ADARB2: variants seen among roughly 807,000 people sequenced by gnomAD.
The protein encoded by ADARB2 is inactive double-stranded RNA-specific editase B2.
In ADARB2, 25 loss-of-function variants were observed where a neutral mutation model predicts 62.2. The observed-to-expected ratio is 0.40, with a 90% CI of 0.29 to 0.56. The LOEUF (loss-of-function observed/expected upper bound fraction) is 0.56. ADARB2 is among the 20% of genes least tolerant of loss of function. ADARB2 has a pLI of 0.43. For synonymous variants in ADARB2, 572 were observed against 500.8 expected (o/e 1.14, Z -1.90); for missense variants, 1,071 against 1,077.4 (o/e 0.99, Z 0.08).
chr10:1,646,067 G>T (rs947799234), intron 1 of ADARB2, among the ~76,000 whole-genome samples: 2 of 152,158 alleles, frequency 1.3e-5, no homozygotes, highest in African/African-American at 4.8e-5. Context: ...ATGCAGAGAG[G>T]TCCAGGAAAG....
chr10:1,374,540 G>T (rs980238755), intron 2 of ADARB2, among the ~76,000 whole-genome samples: 7 of 152,196 alleles, frequency 4.6e-5, no homozygotes, highest in African/African-American at 2.4e-5. Context: ...TGCAAAGCCG[G>T]ATGGCCTAGG....
In ADARB2 at chr10:1,223,864, G is replaced by C. The variant is rs558670948; in HGVS notation, c.1514-6745C>G. Among the ~76,000 whole-genome samples the C allele has an allele frequency of 3.3e-4, 50 of 152,342 alleles. 1 individual carries two copies. The South Asian group carries it at 6.6e-3, about 20-fold the overall frequency. On this transcript the variant is annotated intron_variant, in intron 6 of 9. Transcript: ENST00000381312. ...GAATTTTTGCATCAATGCTCATCAA[G>C]GATATTGGTCTAAAATTCTCTTTTT... is the stretch of plus-strand genomic sequence containing the variant.
rs1354711651 is a variant in ADARB2, at chr10:1,425,604, G to A, written c.101-46444C>T. On this transcript the variant is annotated intron_variant, in intron 1 of 9. Transcript: ENST00000381312. ...GTGGGAGCCTGGGCTCGCTCACTCCGCTTAGATCTTGTAGAAGATGGTTGG... is the reference window on the plus strand; with the variant it reads ...GTGGGAGCCTGGGCTCGCTCACTCCACTTAGATCTTGTAGAAGATGGTTGG... Among the ~76,000 whole-genome samples the A allele has an allele frequency of 2.6e-5, 4 of 152,344 alleles. No homozygotes were observed. In the South Asian group the frequency reaches 6.2e-4, roughly 24 times the overall value.
rs142969666 is a variant in ADARB2 at position 1,387,501 on chromosome 10, A to G, written c.101-8341T>C. Among the ~76,000 whole-genome samples, 1,113 of 152,152 alleles carry G rather than the reference A, an allele frequency of 7.3e-3. 16 individuals carry two copies. The highest frequency in any genetic ancestry group is 0.026 in the African/African-American group (1,062 of 41,578). Reference sequence around the variant, plus strand: ...TATTGTATGCTAGTCAGTGAAAAACATATTTGCAATGGGAACATTCTTTGA... The same window carrying G: ...TATTGTATGCTAGTCAGTGAAAAACGTATTTGCAATGGGAACATTCTTTGA... On this transcript the variant is annotated intron_variant, in intron 1 of 9. Coordinates refer to ENST00000381312, the MANE Select transcript of ADARB2 (RefSeq NM_018702.4).
chr10:1,217,044 A>G lies in ADARB2; in HGVS notation c.1589T>C (p.Val530Ala), dbSNP rs1241773933. The change falls in exon 7 of 10, where the codon GTC becomes GCC. Residue 530 changes from valine (V) to alanine (A), a missense_variant. Val to Ala is a moderately conservative substitution (Grantham distance 64). Coordinates refer to ENST00000381312, the MANE Select transcript of ADARB2 (RefSeq NM_018702.4). ...CACTGCGCTGGGGCCACGCACGGGG[A>G]CCGTCCCTTCCCCGGACTCGATCTT... ...RTKIESGEGT[V>A]PVRGPSAVQT... The G allele has an allele frequency of 1.4e-5, 23 of 1,611,490 alleles. No homozygotes were observed. The highest frequency in any genetic ancestry group is 1.9e-5 in the Non-Finnish European group (22 of 1,179,194).
intron 1 of ADARB2, among the ~76,000 whole-genome samples, chr10:1,676,476 A>G (rs1834468163): frequency 1.3e-5 from 2 of 152,218 alleles, no homozygotes; most frequent in Non-Finnish European, 2.9e-5. Context: ...TTAATGGTGC[A>G]CCTGAGAGTG....
intron 3 of ADARB2, among the ~76,000 whole-genome samples, chr10:1,278,858 G>A (rs983726512): frequency 6.6e-6 from 1 of 152,134 alleles, no homozygotes; most frequent in Non-Finnish European, 1.5e-5. Flanking sequence ...GTGGCTGGGA[G>A]CATGGCTTGG....
chr10:1,246,121 C>T (rs1008632662), intron 4 of ADARB2, among the ~76,000 whole-genome samples: 2 of 151,962 alleles, frequency 1.3e-5, no homozygotes, highest in East Asian at 3.9e-4. Flanking sequence ...TGTCTTTTGG[C>T]TGCATAAATG....
Position 1,507,420 on chromosome 10 carries a change from T to G in ADARB2, c.101-128260A>C, listed in dbSNP as rs139887926. 2.6e-4 allele frequency among the ~76,000 whole-genome samples: 39 copies of G among 152,292 alleles called. No homozygotes were observed. The East Asian group carries it at 7.2e-3, about 28-fold the overall frequency. On this transcript the variant is annotated intron_variant, in intron 1 of 9. Transcript: ENST00000381312. ...CCCTTCACCAGGCTGCATCCGGAGCTCCCTGCTATCCACACACCCCAGCTT... is the reference window on the plus strand; with the variant it reads ...CCCTTCACCAGGCTGCATCCGGAGCGCCCTGCTATCCACACACCCCAGCTT...
intron 7 of ADARB2, among the ~76,000 whole-genome samples, chr10:1,209,879 G>C (rs1312011130): frequency 6.6e-6 from 1 of 152,206 alleles, no homozygotes; most frequent in African/African-American, 2.4e-5. Context: ...TGTGACAAAA[G>C]GTTTCTCCAC....
intron 1 of ADARB2, among the ~76,000 whole-genome samples, chr10:1,612,354 C>G (rs555379764): frequency 1.3e-5 from 2 of 152,230 alleles, no homozygotes; most frequent in African/African-American, 2.4e-5. Flanking sequence ...AGCCAGGACC[C>G]GAGGCCTGAG....
At chr10:1,576,212 G>C (rs1179794400) in intron 1 of ADARB2, among the ~76,000 whole-genome samples, 1 of 149,504 alleles carries the variant, frequency 6.7e-6, no homozygotes, top group East Asian at 2.0e-4. Flanking sequence ...AGGAGCTCAG[G>C]GTCACAGGAC....
intron 1 of ADARB2, among the ~76,000 whole-genome samples, chr10:1,421,478 T>G (rs781088924): frequency 2.6e-5 from 4 of 152,040 alleles, no homozygotes; most frequent in Non-Finnish European, 5.9e-5. Context: ...TTGAACTTAT[T>G]CTTCTCTAGA....
intron 3 of ADARB2, among the ~76,000 whole-genome samples, chr10:1,344,908 G>GT (rs1183867301): frequency 2.0e-5 from 3 of 152,194 alleles, no homozygotes; most frequent in Admixed American, 2.0e-4. Context: ...GGCCTTCATT[G>GT]TGTTTCCGAG....
rs1009010671 is a variant in ADARB2 at position 1,704,137 on chromosome 10, A to T, written c.100+32914T>A. ...CTGTAAGACAGCGGTCCTGTCCCCA[A>T]CCTTTCTGGCACCAGGGATGGCTGG... On this transcript the variant is annotated intron_variant, in intron 1 of 9. Coordinates refer to ENST00000381312, the MANE Select transcript of ADARB2 (RefSeq NM_018702.4). The surrounding 1 kb of genome is among the most constrained non-coding windows in gnomAD (Gnocchi z 5.6). Among the ~76,000 whole-genome samples, 3 of 152,166 alleles carry T rather than the reference A, an allele frequency of 2.0e-5. No individual in the cohort carries two copies. Among genetic ancestry groups the T allele is most frequent in the African/African-American group, 7.2e-5 (3 of 41,422 alleles).
intron 1 of ADARB2, among the ~76,000 whole-genome samples, chr10:1,689,043 C>T (rs1834634910): frequency 6.6e-6 from 1 of 152,148 alleles, no homozygotes; most frequent in African/African-American, 2.4e-5. Context: ...TTTCCCAAGA[C>T]AGGTGCCAGC....
chr10:1,338,923 C>T (rs1589196858), intron 3 of ADARB2, among the ~76,000 whole-genome samples: 1 of 152,202 alleles, frequency 6.6e-6, no homozygotes, highest in African/African-American at 2.4e-5. Flanking sequence ...AGCTCCGGAC[C>T]TTGAGGGCTG....
chr10:1,394,662 A>G (rs569926949), intron 1 of ADARB2, among the ~76,000 whole-genome samples: 1 of 152,208 alleles, frequency 6.6e-6, no homozygotes, highest in Non-Finnish European at 1.5e-5. Flanking sequence ...ACAGAGGAGC[A>G]AGTCAGGCCC....
chr10:1,503,559 G>C (rs1257766015), intron 1 of ADARB2, among the ~76,000 whole-genome samples: 1 of 152,008 alleles, frequency 6.6e-6, no homozygotes, highest in African/African-American at 2.4e-5. Context: ...GCACGATATA[G>C]ATCTTGGTCA....
Sources: gnomAD v4.1 joint callset for allele counts (sites outside exome capture counted in the v4.1 genomes callset) on GRCh38, gnomAD v4.1.1 for gene constraint, Gnocchi (gnomAD v3.1) non-coding constraint, MANE v1.5 for transcripts, NCBI Gene and HGNC (gene_info 2026-07-23, HGNC 2026-07-21) for gene names.